The following MATR3 variants were observed in gnomAD, a reference collection of about 807,000 sequenced individuals.
MATR3 encodes the protein matrin 3.
Under a neutral mutation model 85.5 loss-of-function variants are expected in MATR3, and 4 were observed. The observed-to-expected ratio is 0.05, with a 90% CI of 0.02 to 0.11. The LOEUF is 0.11. Among genes scored for constraint, MATR3 ranks in the 10% least tolerant of loss-of-function variants. The pLI is 1.00. For missense variants in MATR3, 685 were observed against 1,016.1 expected, an observed-to-expected ratio of 0.67 and a Z score of 4.43; for synonymous variants, 336 against 343.1, an observed-to-expected ratio of 0.98 and a Z score of 0.23.
chr5:139,274,343 C>T (rs943986133), intron 1 of MATR3: 6 of 345,250 alleles, frequency 1.7e-5, no homozygotes, highest in Admixed American at 1.2e-4. Context: ...TTCTACCATC[C>T]CTCTTCCCTC....
chr5:139,308,026 A>G lies in MATR3; in HGVS notation c.611A>G (p.His204Arg), dbSNP rs1406174894. The G allele has an allele frequency of 6.2e-7, 1 of 1,614,086 alleles. No homozygotes were observed. The highest frequency in any genetic ancestry group is 1.3e-5 in the African/African-American group (1 of 74,932). ...PSLNPVLDYD[H>R]GSRSQESGYY... is the part of the protein sequence containing the mutation. Reference sequence around the variant, plus strand: ...CTCAACCCAGTGCTTGATTATGACCATGGAAGTCGTTCTCAAGAATCTGGT... The same window carrying G: ...CTCAACCCAGTGCTTGATTATGACCGTGGAAGTCGTTCTCAAGAATCTGGT... Residue 204 changes from histidine to arginine, a missense_variant, in exon 2 of 15, where the codon CAT (histidine) becomes CGT (arginine). Physicochemically the swap from His to Arg is conservative, Grantham distance 29 (BLOSUM62 0). Transcript: ENST00000394805.
chr5:139,294,237 A>G (rs1037012119), intron 1 of MATR3: 14 of 414,774 alleles, frequency 3.4e-5, no homozygotes, highest in African/African-American at 1.6e-4. Flanking sequence ...CAGACTGTAC[A>G]CTGGGGGCTT....
intron 2 of MATR3, 102 bp downstream of exon 2, chr5:139,308,429 C>A: frequency 2.8e-6 from 4 of 1,419,744 alleles, no homozygotes; most frequent in South Asian, 2.3e-5. Flanking sequence ...TTGAGTTGAT[C>A]AAGCATTTTT....
chr5:139,283,560 ACCT>A (rs1480592461), intron 3 of MATR3: 2 of 152,072 alleles, frequency 1.3e-5, no homozygotes, highest in Non-Finnish European at 2.9e-5. Context: ...CAGACACTTG[ACCT>A]CCTTCTGATT....
chr5:139,277,032 C>T (rs556062379), intron 2 of MATR3, among the ~76,000 whole-genome samples: 1 of 152,150 alleles, frequency 6.6e-6, no homozygotes, highest in African/African-American at 2.4e-5. Flanking sequence ...CAGTTGTTGC[C>T]CCATTAAAGT....
chr5:139,301,486 A>G (rs1228597382), intron 1 of MATR3, among the ~76,000 whole-genome samples: 1 of 151,870 alleles, frequency 6.6e-6, no homozygotes, highest in African/African-American at 2.4e-5. Context: ...CACCCGGCTA[A>G]TTTTTGTATT....
rs566300849 is a variant in MATR3, at chr5:139,284,336, G to C, written c.-178+5207G>C. Among the ~76,000 whole-genome samples the C allele has an allele frequency of 4.6e-5, 7 of 152,262 alleles. No individual in the cohort carries two copies. The East Asian group carries it at 1.3e-3, about 29-fold the overall frequency. ...TAAGTGATGATAATGGATTTGGCCG[G>C]GCGCGGTTGCCTATAATCCCAACAC... On this transcript the variant is annotated intron_variant, in intron 3 of 16. Transcript: ENST00000509990.
In MATR3 at chr5:139,322,713, G is replaced by C; in HGVS notation, c.1894G>C (p.Gly632Arg). 1 of 1,614,086 alleles carries C rather than the reference G, an allele frequency of 6.2e-7. No individual in the cohort carries two copies. The highest frequency in any genetic ancestry group is 1.1e-5 in the South Asian group (1 of 91,080). The change falls in exon 12 of 15, where the codon GGT becomes CGT. Residue 632 changes from glycine to arginine, a missense_variant. Transcript: ENST00000394805. The stretch of plus-strand genomic sequence containing the variant: ...AGGTAAAGAACAAGAAGAGAAGTCC[G>C]GTGAAGATGGTGAGAAAGACACAAA... ...TEGKEQEEKS[G>R]EDGEKDTKDD...
intron 12 of MATR3, chr5:139,325,199 A>G (rs1241793727): frequency 4.1e-6 from 6 of 1,480,168 alleles, no homozygotes; most frequent in African/African-American, 1.4e-5. Context: ...TCTCAAAAAA[A>G]AAAAGGCAAA....
At chr5:139,290,242 C>A (rs143442613), upstream of MATR3, among the ~76,000 whole-genome samples, 110 of 151,178 alleles carry the variant, frequency 7.3e-4, no homozygotes, top group African/African-American at 2.6e-3. Flanking sequence ...GTGGTGTGAT[C>A]ATGGCTCACT....
intron 3 of MATR3, among the ~76,000 whole-genome samples, chr5:139,286,615 C>T (rs1170644149): frequency 2.0e-5 from 3 of 151,768 alleles, no homozygotes; most frequent in Admixed American, 6.6e-5. Context: ...GAGGCTGAGG[C>T]GGGCAAATCG....
intron 10 of MATR3, 41 bp downstream of exon 10, chr5:139,322,070 T>C: frequency 5.6e-6 from 9 of 1,602,824 alleles, no homozygotes; most frequent in Non-Finnish European, 7.7e-6. Context: ...CAGCTTGTTT[T>C]TACATATTTA....
intron 10 of MATR3, 140 bp downstream of exon 10, chr5:139,322,169 C>CT (rs1272163849): frequency 8.3e-6 from 9 of 1,079,938 alleles, no homozygotes; most frequent in Non-Finnish European, 1.2e-5. Flanking sequence ...AGAGAACAAC[C>CT]TTTTTTTCTG....
At chr5:139,294,220 T>C (rs1232968652) in intron 1 of MATR3, 2 of 445,934 alleles carry the variant, frequency 4.5e-6, no homozygotes, top group Non-Finnish European at 7.5e-6. Context: ...GCTCGAGGCC[T>C]GAGGGACAGA....
intron 1 of MATR3, 67 bp downstream of exon 1, chr5:139,293,872 A>C (rs995402402): frequency 3.3e-5 from 24 of 724,006 alleles, no homozygotes; most frequent in Non-Finnish European, 3.8e-5. Flanking sequence ...CCGGGAGGGG[A>C]CAACGACGGC....
At chr5:139,314,901 T>C (rs1239844009) in intron 3 of MATR3, 165 bp downstream of exon 3, 1 of 635,308 alleles carries the variant, frequency 1.6e-6, no homozygotes, top group Non-Finnish European at 2.8e-6. Context: ...GATCTGGAAA[T>C]TTCATATTGA....
At chr5:139,316,005 A>C (rs1435510758) in intron 4 of MATR3, 71 bp from the exon 5 acceptor site, 1 of 1,197,252 alleles carries the variant, frequency 8.4e-7, no homozygotes, top group Non-Finnish European at 1.2e-6. Flanking sequence ...GGGGTGCTTT[A>C]ACATTTAATC....
At chr5:139,312,634 T>G (rs1755047315) in intron 2 of MATR3, 1 of 152,190 alleles carries the variant, frequency 6.6e-6, no homozygotes, top group African/African-American at 2.4e-5. Context: ...AGTTCCATTT[T>G]AGTTTACAGG....
chr5:139,322,323 T>C, intron 10 of MATR3, 140 bp from the exon 11 acceptor site: 2 of 830,636 alleles, frequency 2.4e-6, no homozygotes, highest in Non-Finnish European at 4.0e-6. Context: ...TGAATGTCTG[T>C]AGGCAGCTTA....
Sources: gnomAD v4.1 joint callset for allele counts (sites outside exome capture counted in the v4.1 genomes callset) on GRCh38, gnomAD v4.1.1 for gene constraint, MANE v1.5 for transcripts, NCBI Gene and HGNC (gene_info 2026-07-23, HGNC 2026-07-21) for gene names.